The following UNC5D variants were observed in gnomAD, a reference collection of about 807,000 sequenced individuals.
UNC5D encodes the protein netrin receptor UNC5D.
In UNC5D, 39 loss-of-function variants were observed where a neutral mutation model predicts 105.4. The observed-to-expected ratio is 0.37, with a 90% CI of 0.29 to 0.48. The LOEUF (loss-of-function observed/expected upper bound fraction) is 0.48. UNC5D is among the 20% of genes least tolerant of loss of function. The probability of loss-of-function intolerance (pLI) is 0.98; values close to 1 mark genes in which losing one functional copy is unlikely to be tolerated. For missense variants in UNC5D, 991 were observed against 1,202.4 expected (o/e 0.82, Z 2.60); for synonymous variants, 452 against 450.4 (o/e 1.00, Z -0.04).
At chr8:35,700,782 A>G (rs1181058764) in intron 7 of UNC5D, among the ~76,000 whole-genome samples, 1 of 152,196 alleles carries the variant, frequency 6.6e-6, no homozygotes, top group African/African-American at 2.4e-5. Flanking sequence ...ATGCAAGGCC[A>G]TAAAGGTAGG....
At chr8:35,677,881 TGTGA>T (rs377101093) in intron 4 of UNC5D, among the ~76,000 whole-genome samples, 50 of 123,200 alleles carry the variant, frequency 4.1e-4, no homozygotes, top group African/African-American at 1.2e-3. Flanking sequence ...TTATAGGGTG[TGTGA>T]GTGTCTGTGT....
chr8:35,337,913 G>A (rs1404583133), intron 1 of UNC5D, among the ~76,000 whole-genome samples: 3 of 152,166 alleles, frequency 2.0e-5, no homozygotes, highest in Non-Finnish European at 4.4e-5. Context: ...TATCCAAATT[G>A]ATTGGCATAC....
chr8:35,734,454 A>G (rs971143382), intron 11 of UNC5D, among the ~76,000 whole-genome samples: 12 of 150,752 alleles, frequency 8.0e-5, no homozygotes, highest in African/African-American at 2.9e-4. Context: ...CTTGTTGCCC[A>G]GGCTGGAGTG....
chr8:35,711,172 T>G (rs1292205511), intron 8 of UNC5D, among the ~76,000 whole-genome samples: 2 of 150,670 alleles, frequency 1.3e-5, no homozygotes, highest in African/African-American at 4.9e-5. Context: ...TTTCTGTTTT[T>G]GTTTTGTTTT....
At chr8:35,332,952 T>C (rs953224329) in intron 1 of UNC5D, among the ~76,000 whole-genome samples, 1 of 152,208 alleles carries the variant, frequency 6.6e-6, no homozygotes, top group African/African-American at 2.4e-5. Context: ...ACAGTTCTAA[T>C]CAAGTACTTA....
intron 4 of UNC5D, among the ~76,000 whole-genome samples, chr8:35,651,633 A>G (rs1405924845): frequency 1.3e-5 from 2 of 152,186 alleles, no homozygotes; most frequent in Admixed American, 6.5e-5. Flanking sequence ...CTCTTCCCCC[A>G]CTAGAGAGAA....
At chr8:35,305,629 T>TTCTTTTTC (rs1808328890) in intron 1 of UNC5D, among the ~76,000 whole-genome samples, 3 of 129,434 alleles carry the variant, frequency 2.3e-5, no homozygotes, top group Non-Finnish European at 5.0e-5. Context: ...TTCTTTTTCT[T>TTCTTTTTC]TCTCTCTCTC....
intron 9 of UNC5D, chr8:35,724,378 TCCGTTTTTGAGCAATACATCCAGTG>T: frequency 7.0e-7 from 1 of 1,428,088 alleles, no homozygotes; most frequent in Non-Finnish European, 9.3e-7. Flanking sequence ...CTTAGAGAGA[TCCGTTTTTGAGCAATACATCCAGTG>T]CCCCGGCAAG....
intron 1 of UNC5D, among the ~76,000 whole-genome samples, chr8:35,370,848 C>T (rs1010239893): frequency 1.3e-5 from 2 of 152,194 alleles, no homozygotes; most frequent in Non-Finnish European, 2.9e-5. Flanking sequence ...CATCTGAAGA[C>T]ACCCATGGAT....
intron 1 of UNC5D, among the ~76,000 whole-genome samples, chr8:35,315,879 G>A (rs1223328265): frequency 6.6e-6 from 1 of 152,128 alleles, no homozygotes; most frequent in Non-Finnish European, 1.5e-5. Flanking sequence ...TTATGGAAGA[G>A]GTCAAATAGA....
intron 1 of UNC5D, among the ~76,000 whole-genome samples, chr8:35,373,504 A>G (rs1257882106): frequency 6.6e-6 from 1 of 152,212 alleles, no homozygotes; most frequent in East Asian, 1.9e-4. Context: ...ATATGATTCT[A>G]CATGCTTGTT....
intron 8 of UNC5D, among the ~76,000 whole-genome samples, chr8:35,716,172 C>T (rs1202229280): frequency 6.6e-6 from 1 of 152,124 alleles, no homozygotes; most frequent in Non-Finnish European, 1.5e-5. Context: ...GGAGTGAAGA[C>T]AGACATGTGT....
chr8:35,374,804 G>A (rs1802605803), intron 1 of UNC5D, among the ~76,000 whole-genome samples: 1 of 152,182 alleles, frequency 6.6e-6, no homozygotes, highest in African/African-American at 2.4e-5. Context: ...TTTTATGGTT[G>A]CATAATGCAT....
intron 1 of UNC5D, among the ~76,000 whole-genome samples, chr8:35,394,721 C>A (rs1390192106): frequency 6.6e-6 from 1 of 152,042 alleles, no homozygotes; most frequent in Non-Finnish European, 1.5e-5. Context: ...AACCGAATTC[C>A]AGCTTCAATG....
At chr8:35,574,248 G>C (rs1454833804) in intron 3 of UNC5D, among the ~76,000 whole-genome samples, 1 of 152,148 alleles carries the variant, frequency 6.6e-6, no homozygotes, top group African/African-American at 2.4e-5. Context: ...TAACACTTGG[G>C]CCTTTTCTCC....
At chr8:35,670,678 G>C (rs1243413946) in intron 4 of UNC5D, among the ~76,000 whole-genome samples, 1 of 151,980 alleles carries the variant, frequency 6.6e-6, no homozygotes, top group Non-Finnish European at 1.5e-5. Flanking sequence ...TGGACACAGG[G>C]AGGGGATCAA....
chr8:35,466,699 A>C (rs537772937), intron 1 of UNC5D, among the ~76,000 whole-genome samples: 1 of 152,212 alleles, frequency 6.6e-6, no homozygotes. Flanking sequence ...TGTATTTGCC[A>C]TCATAATTTA....
chr8:35,283,455 C>T (rs185837670), intron 1 of UNC5D, among the ~76,000 whole-genome samples: 10 of 151,998 alleles, frequency 6.6e-5, no homozygotes, highest in South Asian at 2.1e-4. Flanking sequence ...GAATCACCTG[C>T]GGAGCTTTAA....
chr8:35,658,943 C>T (rs754241224), intron 4 of UNC5D, among the ~76,000 whole-genome samples: 15 of 152,132 alleles, frequency 9.9e-5, no homozygotes, highest in Non-Finnish European at 2.1e-4. Context: ...GCGTGAGCCA[C>T]CGTGCCCGGC....
Sources: gnomAD v4.1 joint callset for allele counts (sites outside exome capture counted in the v4.1 genomes callset) on GRCh38, gnomAD v4.1.1 for gene constraint, MANE v1.5 for transcripts, NCBI Gene and HGNC (gene_info 2026-07-23, HGNC 2026-07-21) for gene names.